The following MYO6 variants were observed in gnomAD, a reference collection of about 807,000 sequenced individuals.
MYO6 encodes the protein unconventional myosin-VI.
A neutral mutation model predicts 178.7 loss-of-function variants in MYO6; 74 were observed. That is an observed-to-expected ratio of 0.41 (90% CI 0.34 to 0.50). The LOEUF (loss-of-function observed/expected upper bound fraction) is 0.50, where lower values mean the gene tolerates loss of function less well. Ranked by LOEUF, MYO6 falls within the 20% of genes least tolerant of loss-of-function variation. The pLI is 0.09. For missense variants in MYO6, 1,330 were observed against 1,547.4 expected (o/e 0.86, Z 2.36); for synonymous variants, 477 against 504.6 (o/e 0.95, Z 0.73).
At chr6:75,797,690 C>T (rs1481441770) in intron 1 of MYO6, among the ~76,000 whole-genome samples, 3 of 151,960 alleles carry the variant, frequency 2.0e-5, no homozygotes, top group Admixed American at 6.6e-5. Context: ...CCTGCCACCA[C>T]GCCTGTCTAA....
intron 1 of MYO6, among the ~76,000 whole-genome samples, chr6:75,786,332 T>C (rs1767566409): frequency 6.6e-6 from 1 of 152,232 alleles, no homozygotes; most frequent in Non-Finnish European, 1.5e-5. Flanking sequence ...CTTTTCTTCC[T>C]GTCTAGGTCT....
chr6:75,918,665 C>T lies in MYO6; in HGVS notation c.*3653C>T, dbSNP rs769141318. ...CACCTACTCTGCTGGGAGCACTTCT[C>T]TGAGTACGCTTTAGTTCAATTCAAA... On this transcript the variant is annotated 3_prime_UTR_variant, in exon 35 of 35. Coordinates refer to ENST00000369977, the MANE Select transcript of MYO6 (RefSeq NM_004999.4). 6 of 152,208 alleles carry T rather than the reference C, an allele frequency of 3.9e-5. No individual in the cohort carries two copies. The highest frequency in any genetic ancestry group is 7.3e-5 in the Non-Finnish European group (5 of 68,036). 9.4% of individuals were successfully genotyped at this position (152,208 alleles called of 1,614,324 possible).
intron 23 of MYO6, among the ~76,000 whole-genome samples, chr6:75,883,039 GA>G (rs1462330391): frequency 6.6e-6 from 1 of 152,126 alleles, no homozygotes; most frequent in Non-Finnish European, 1.5e-5. Context: ...GCAGATGTAT[GA>G]TAAAGGACAT....
chr6:75,841,090 G>T, intron 8 of MYO6, 124 bp from the exon 9 acceptor site: 1 of 936,798 alleles, frequency 1.1e-6, no homozygotes, highest in Non-Finnish European at 1.6e-6. Context: ...CCCTTTATTT[G>T]GTGAATATTA....
At chr6:75,821,538 A>G (rs548268094) in intron 2 of MYO6, among the ~76,000 whole-genome samples, 1 of 152,208 alleles carries the variant, frequency 6.6e-6, no homozygotes, top group Non-Finnish European at 1.5e-5. Context: ...CAGAGTTTCT[A>G]TGGCATAACA....
At chr6:75,862,455 A>C in intron 15 of MYO6, 141 bp from the exon 16 acceptor site, 2 of 770,160 alleles carry the variant, frequency 2.6e-6, no homozygotes, top group Non-Finnish European at 4.3e-6. Flanking sequence ...AGCTCTCTAT[A>C]ACTTTTGAGA....
In MYO6 at chr6:75,912,061, C is replaced by T. The variant is rs897187913; in HGVS notation, c.3439+363C>T. 1.3e-5 allele frequency among the ~76,000 whole-genome samples: 2 copies of T among 151,900 alleles called. 1 individual carries two copies. Among genetic ancestry groups the T allele is most frequent in the Non-Finnish European group, 2.9e-5 (2 of 67,824 alleles). On this transcript the variant is annotated intron_variant, in intron 33 of 34. Coordinates refer to ENST00000369977, the MANE Select transcript of MYO6 (RefSeq NM_004999.4). ...ACTTTTAGGTGCTGGTTTTTGGTTACTGTATTTTCAAACACTGATGGTGTC... is the reference window on the plus strand; with the variant it reads ...ACTTTTAGGTGCTGGTTTTTGGTTATTGTATTTTCAAACACTGATGGTGTC...
intron 20 of MYO6, among the ~76,000 whole-genome samples, chr6:75,878,215 T>G (rs1388142038): frequency 6.6e-6 from 1 of 151,580 alleles, no homozygotes; most frequent in Non-Finnish European, 1.5e-5. Context: ...TGGGTATATT[T>G]TTTATGCTGG....
chr6:75,893,517 A>G (rs1034048103), intron 28 of MYO6, among the ~76,000 whole-genome samples: 9 of 152,164 alleles, frequency 5.9e-5, no homozygotes, highest in Non-Finnish European at 1.2e-4. Context: ...CTAGATGGCG[A>G]TGTTTCCTTG....
chr6:75,809,473 T>A (rs1219634306), intron 1 of MYO6, among the ~76,000 whole-genome samples: 2 of 152,170 alleles, frequency 1.3e-5, no homozygotes, highest in Non-Finnish European at 2.9e-5. Context: ...TATGAACGAC[T>A]ATGGCCCGAT....
intron 1 of MYO6, among the ~76,000 whole-genome samples, chr6:75,754,608 T>C (rs1403298352): frequency 6.6e-6 from 1 of 151,894 alleles, no homozygotes; most frequent in Non-Finnish European, 1.5e-5. Context: ...TTTTGATTTC[T>C]GATCTATGTG....
chr6:75,759,665 A>G (rs1208969893), intron 1 of MYO6, among the ~76,000 whole-genome samples: 1 of 152,078 alleles, frequency 6.6e-6, no homozygotes, highest in Non-Finnish European at 1.5e-5. Flanking sequence ...TAACTAGGAC[A>G]TTATTTAGAA....
At chr6:75,839,517 C>A (rs1223052777) in intron 7 of MYO6, among the ~76,000 whole-genome samples, 2 of 152,036 alleles carry the variant, frequency 1.3e-5, no homozygotes, top group African/African-American at 4.8e-5. Context: ...GAAGAACATG[C>A]TTCATAAAAA....
At chr6:75,833,467 T>G (rs1243710251) in intron 6 of MYO6, among the ~76,000 whole-genome samples, 2 of 152,230 alleles carry the variant, frequency 1.3e-5, no homozygotes, top group Non-Finnish European at 2.9e-5. Context: ...ACAACTCCAT[T>G]TATCCACTCA....
At chr6:75,832,742 T>G (rs956746324) in intron 5 of MYO6, 100 bp from the exon 6 acceptor site, 1 of 714,584 alleles carries the variant, frequency 1.4e-6, no homozygotes, top group African/African-American at 1.8e-5. Context: ...GAATAGACAT[T>G]TATGATTTCT....
At chr6:75,899,330 G>T (rs1337129276) in intron 30 of MYO6, among the ~76,000 whole-genome samples, 1 of 151,656 alleles carries the variant, frequency 6.6e-6, no homozygotes, top group Non-Finnish European at 1.5e-5. Flanking sequence ...TGTATATTAT[G>T]TCAATTTACC....
intron 25 of MYO6, among the ~76,000 whole-genome samples, chr6:75,887,414 C>T (rs551627011): frequency 9.2e-4 from 139 of 151,860 alleles, no homozygotes; most frequent in African/African-American, 3.1e-3. Context: ...GATGCTGAGG[C>T]GGACGGATCA....
intron 32 of MYO6, among the ~76,000 whole-genome samples, chr6:75,910,432 T>A (rs1231078265): frequency 6.6e-6 from 1 of 152,210 alleles, no homozygotes; most frequent in Non-Finnish European, 1.5e-5. Context: ...CTTATTCATC[T>A]AGCTTTACCC....
chr6:75,893,559 T>C (rs1467436627), intron 28 of MYO6, among the ~76,000 whole-genome samples: 1 of 152,124 alleles, frequency 6.6e-6, no homozygotes, highest in Non-Finnish European at 1.5e-5. Context: ...TAATGGAATA[T>C]TTGGCAAAAA....
Sources: gnomAD v4.1 joint callset for allele counts (sites outside exome capture counted in the v4.1 genomes callset) on GRCh38, gnomAD v4.1.1 for gene constraint, MANE v1.5 for transcripts, NCBI Gene and HGNC (gene_info 2026-07-23, HGNC 2026-07-21) for gene names.